Variants in EIF5A observed in about 807,000 individuals in gnomAD.
EIF5A encodes the protein eukaryotic translation initiation factor 5A-1.
EIF5A carries 1 observed loss-of-function variant against 16.6 expected under a neutral mutation model. The observed-to-expected ratio is 0.06, with a 90% CI of 0.02 to 0.28. The LOEUF (loss-of-function observed/expected upper bound fraction) is 0.28, where lower values mean the gene tolerates loss of function less well. EIF5A is among the 10% of genes least tolerant of loss of function. The pLI is 1.00. For missense variants in EIF5A, 29 were observed against 196.1 expected (o/e 0.15, Z 5.09); for synonymous variants, 80 against 73.6 (o/e 1.09, Z -0.44).
chr17:7,308,584 C>T, intron 1 of EIF5A: 1 of 1,349,388 alleles, frequency 7.4e-7, no homozygotes, highest in Non-Finnish European at 9.8e-7. Context: ...GTGTAAGTGG[C>T]ACCCCTTCGA....
chr17:7,311,790 T>C, intron 5 of EIF5A, 32 bp from the exon 6 acceptor site: 2 of 1,173,786 alleles, frequency 1.7e-6, no homozygotes, highest in Non-Finnish European at 1.2e-6. Flanking sequence ...GAAGGTATTA[T>C]CCTGTCTTAC....
At chr17:7,308,514 C>G in intron 1 of EIF5A, 1 of 1,351,492 alleles carries the variant, frequency 7.4e-7, no homozygotes, top group Non-Finnish European at 9.8e-7. Context: ...CGCTTCCCAA[C>G]CTCAAGGGCC....
chr17:7,311,254 G>A, intron 3 of EIF5A, 96 bp from the exon 4 acceptor site: 1 of 1,597,506 alleles, frequency 6.3e-7, no homozygotes. Flanking sequence ...TTTGGTATTA[G>A]TTTGCTATCA....
In EIF5A at chr17:7,311,892, G is replaced by C. The variant is rs2143009766; in HGVS notation, c.*82G>C. 1.6e-6 allele frequency: 1 copy of C among 618,362 alleles called. No individual in the cohort carries two copies. The highest frequency in any genetic ancestry group is 2.8e-5 in the East Asian group (1 of 35,252). The allele number at this position is 618,362 out of a possible 1,614,324, so 38.3% of individuals were successfully genotyped here. ...CCTCCCCGAGCCTGGCCTGGCTCTG[G>C]CCCGGTCCTAAGCTGGACTCCTCCT... On this transcript the variant is annotated 3_prime_UTR_variant, in exon 6 of 6. Transcript: ENST00000336458.
At chr17:7,308,281 T>G (rs761169404) in intron 1 of EIF5A, 73 of 1,074,964 alleles carry the variant, frequency 6.8e-5, no homozygotes, top group African/African-American at 2.6e-4. Context: ...GCAGGCCGCA[T>G]GGCCAAGCGT....
At chr17:7,310,482 C>G (rs190352564) in intron 2 of EIF5A, 1 of 1,171,912 alleles carries the variant, frequency 8.5e-7, no homozygotes, top group South Asian at 1.7e-5. Flanking sequence ...GTTTTTCCAT[C>G]TTTTGACTTG....
In EIF5A at chr17:7,312,187, C is replaced by T; in HGVS notation, c.*377C>T. The T allele has an allele frequency of 5.8e-6, 1 of 172,100 alleles. No homozygotes were observed. The highest frequency in any genetic ancestry group is 1.4e-5 in the Non-Finnish European group (1 of 72,462). The allele number at this position is 172,100 out of a possible 1,614,324, so 10.7% of individuals were successfully genotyped here. On this transcript the variant is annotated 3_prime_UTR_variant, in exon 6 of 6. Coordinates refer to ENST00000336458, the MANE Select transcript of EIF5A (RefSeq NM_001970.5). ...TGGCAAATGGTCCTTGTGCCCTCCC[C>T]ACTCATCCCTGGTCTGGTCCCCTGT... is the stretch of plus-strand genomic sequence containing the variant.
At chr17:7,309,451 G>C in intron 1 of EIF5A, 164 bp from the exon 2 acceptor site, 1 of 887,562 alleles carries the variant, frequency 1.1e-6, no homozygotes, top group Non-Finnish European at 1.7e-6. Flanking sequence ...CAGTTCTTGA[G>C]TATATTTGAG....
At chr17:7,308,336 C>T in intron 1 of EIF5A, 1 of 1,174,680 alleles carries the variant, frequency 8.5e-7, no homozygotes, top group South Asian at 1.6e-5. Flanking sequence ...CCCCCAGGTC[C>T]CGGCCACCGG....
intron 1 of EIF5A, 45 bp from the exon 2 acceptor site, chr17:7,309,570 G>A (rs1182108843): frequency 1.9e-6 from 3 of 1,603,088 alleles, no homozygotes; most frequent in South Asian, 1.1e-5. Flanking sequence ...TGGAGGTCCT[G>A]TTGACCTCCA....
intron 5 of EIF5A, 73 bp downstream of exon 5, chr17:7,311,724 G>A: frequency 6.3e-7 from 1 of 1,584,834 alleles, no homozygotes; most frequent in Non-Finnish European, 8.6e-7. Flanking sequence ...AGTCTTAATT[G>A]TTTCAGGCTT....
chr17:7,311,905 C>T lies in EIF5A; in HGVS notation c.*95C>T, dbSNP rs796576397. The T allele has an allele frequency of 1.2e-4, 69 of 593,834 alleles. No homozygotes were observed. The African/African-American group carries it at 1.2e-3, about 10-fold the overall frequency. 36.8% of individuals were successfully genotyped at this position (593,834 alleles called of 1,614,324 possible). A position where few individuals can be genotyped will look rare whatever the true frequency, so the allele number is the denominator to read the frequency against. On this transcript the variant is annotated 3_prime_UTR_variant, in exon 6 of 6. Transcript: ENST00000336458. The stretch of plus-strand genomic sequence containing the variant: ...GGCCTGGCTCTGGCCCGGTCCTAAG[C>T]TGGACTCCTCCTACACAATTTATTT...
rs760595093 is a variant in EIF5A at position 7,311,656 on chromosome 17, G to A, written c.*11+5G>A. 2 of 1,614,076 alleles carry A rather than the reference G, an allele frequency of 1.2e-6. No individual in the cohort carries two copies. Among genetic ancestry groups the A allele is most frequent in the Non-Finnish European group, 1.7e-6 (2 of 1,180,022 alleles). Reference sequence around the variant, plus strand: ...GGCAAAATAACTGGCTCCCAGGTGAGTGTGACAAATCCCTCACTGTCCCCT... The same window carrying A: ...GGCAAAATAACTGGCTCCCAGGTGAATGTGACAAATCCCTCACTGTCCCCT... On this transcript the variant is annotated splice_donor_5th_base_variant and intron_variant, in intron 5 of 5. Transcript: ENST00000336458.
In EIF5A at chr17:7,308,464, T is replaced by G. The variant is rs553757898; in HGVS notation, c.-22+712T>G. On this transcript the variant is annotated intron_variant, in intron 1 of 5. Transcript: ENST00000336458. ...GAGGAGTGGAAGCCGGAGGCTCGGGTCCTAATCACCCCGGAGGGCCTGCTG... is the reference window on the plus strand; with the variant it reads ...GAGGAGTGGAAGCCGGAGGCTCGGGGCCTAATCACCCCGGAGGGCCTGCTG... 3,285 of 1,343,754 alleles carry G rather than the reference T, an allele frequency of 2.4e-3. 9 individuals are homozygous for G. The highest frequency in any genetic ancestry group is 3.0e-3 in the Non-Finnish European group (3,057 of 1,018,602). 83.2% of individuals were successfully genotyped at this position (1,343,754 alleles called of 1,614,324 possible). A position where few individuals can be genotyped will look rare whatever the true frequency, so the allele number is the denominator to read the frequency against.
intron 1 of EIF5A, chr17:7,308,126 G>T: frequency 2.0e-6 from 2 of 982,596 alleles, no homozygotes; most frequent in South Asian, 3.6e-5. Context: ...GGGGGAGGGG[G>T]CTATTCGGTG....
At chr17:7,308,970 T>A (rs1287540676) in intron 1 of EIF5A, among the ~76,000 whole-genome samples, 3 of 152,198 alleles carry the variant, frequency 2.0e-5, no homozygotes, top group Non-Finnish European at 4.4e-5. Context: ...GTTCCTGGGT[T>A]CTCTTTGGGA....
At chr17:7,310,841 G>C (rs558030957) in intron 2 of EIF5A, 177 bp from the exon 3 acceptor site, 50 of 984,988 alleles carry the variant, frequency 5.1e-5, no homozygotes, top group Non-Finnish European at 5.4e-5. Flanking sequence ...TTTAGCCTCT[G>C]TTTTTTTTCT....
Position 7,311,352 on chromosome 17 carries a change from G to A in EIF5A, c.273G>A (p.Leu91=). The change falls in exon 4 of 6, where the codon CTG becomes CTA. Residue 91 remains leucine, a splice_region_variant and synonymous_variant. Transcript: ENST00000336458. ...VPNIKRNDFQ[L]IGIQDGYLSL... Reference sequence around the variant, plus strand: ...CCTCCTTCCCTATCTGCCCCCAGCTGATTGGCATCCAGGATGGGTACCTAT... The same window carrying A: ...CCTCCTTCCCTATCTGCCCCCAGCTAATTGGCATCCAGGATGGGTACCTAT... 5 of 1,614,106 alleles carry A rather than the reference G, an allele frequency of 3.1e-6. No homozygotes were observed. Among genetic ancestry groups the A allele is most frequent in the Non-Finnish European group, 4.2e-6 (5 of 1,179,990 alleles).
chr17:7,309,946 C>G (rs768614801), intron 2 of EIF5A, 146 bp downstream of exon 2: 194 of 1,557,062 alleles, frequency 1.2e-4, no homozygotes, highest in Non-Finnish European at 1.6e-4. Context: ...CCTTCATACC[C>G]ATTCAGACAA....
Sources: gnomAD v4.1 joint callset for allele counts (sites outside exome capture counted in the v4.1 genomes callset) on GRCh38, gnomAD v4.1.1 for gene constraint, MANE v1.5 for transcripts, NCBI Gene and HGNC (gene_info 2026-07-23, HGNC 2026-07-21) for gene names.